Variants in RYR2 observed in about 807,000 individuals in gnomAD.
The protein encoded by RYR2 is cardiac muscle ryanodine receptor-calcium release channel.
Under a neutral mutation model 601.1 loss-of-function variants are expected in RYR2, and 227 were observed. That is an observed-to-expected ratio of 0.38 (90% CI 0.34 to 0.42). The LOEUF (loss-of-function observed/expected upper bound fraction) is 0.42. RYR2 is among the 10% of genes least tolerant of loss of function. The pLI, the probability that RYR2 is intolerant of heterozygous loss-of-function variation, is 1.00. For missense variants in RYR2, 4,646 were observed against 6,156.5 expected, an observed-to-expected ratio of 0.75 and a Z score of 8.21; for synonymous variants, 2,223 against 2,175.1, an observed-to-expected ratio of 1.02 and a Z score of -0.61.
intron 1 of RYR2, among the ~76,000 whole-genome samples, chr1:237,190,641 C>T (rs1184213776): frequency 2.0e-5 from 3 of 152,084 alleles, no homozygotes; most frequent in Non-Finnish European, 2.9e-5. Context: ...TGCCTAACAA[C>T]TATTTATATA....
Position 237,707,181 on chromosome 1 carries a change from G to A in RYR2, c.9813G>A (p.Glu3271=), listed in dbSNP as rs757310700. ...AEMCCTALNS[E]HMNTLLGNIL... ...TGTGCTGCACAGCCCTGAACTCAGAGCACATGAACACACTTCTAGGGAACA... is the reference window on the plus strand; with the variant it reads ...TGTGCTGCACAGCCCTGAACTCAGAACACATGAACACACTTCTAGGGAACA... The change falls in exon 68 of 105, where the codon GAG becomes GAA. Residue 3271 remains glutamate (E), a synonymous_variant. Transcript: ENST00000366574. The A allele has an allele frequency of 1.1e-5, 17 of 1,613,182 alleles. No individual in the cohort carries two copies. The highest frequency in any genetic ancestry group is 1.3e-5 in the African/African-American group (1 of 74,882).
chr1:237,820,217 G>A (rs1662314989), intron 101 of RYR2, among the ~76,000 whole-genome samples: 1 of 151,480 alleles, frequency 6.6e-6, no homozygotes, highest in African/African-American at 2.4e-5. Flanking sequence ...AGGTGGGGGA[G>A]GGAGGGTAGC....
chr1:237,175,123 A>T (rs1453720986), intron 1 of RYR2, among the ~76,000 whole-genome samples: 1 of 152,208 alleles, frequency 6.6e-6, no homozygotes, highest in East Asian at 1.9e-4. Flanking sequence ...CTGAAGGCTC[A>T]TATTTTTCTG....
rs71561857 is a variant in RYR2, at chr1:237,107,519, C to CA, written c.48+64967dup. Among the ~76,000 whole-genome samples the CA allele has an allele frequency of 8.0e-3, 312 of 38,908 alleles. 23 individuals carry two copies. Among genetic ancestry groups the CA allele is most frequent in the Middle Eastern group, 0.036 (1 of 28 alleles). 25.5% of individuals were successfully genotyped at this position (38,908 alleles called of 152,430 possible). A position where few individuals can be genotyped will look rare whatever the true frequency, so the allele number is the denominator to read the frequency against. ...TGGGAGACAGAGTGAGACTCCATCT[C>CA]AAAAAAAAAAAAAAAAAGGAAACAT... On this transcript the variant is annotated intron_variant, in intron 1 of 104. Coordinates refer to ENST00000366574, the MANE Select transcript of RYR2 (RefSeq NM_001035.3).
chr1:237,333,944 C>G (rs1011519637), intron 3 of RYR2, among the ~76,000 whole-genome samples: 61 of 152,296 alleles, frequency 4.0e-4, no homozygotes, highest in African/African-American at 1.4e-3. Context: ...CCAACTCTTT[C>G]ATAATCAACT....
At chr1:237,400,754 A>T (rs1016419802) in intron 10 of RYR2, among the ~76,000 whole-genome samples, 3 of 152,114 alleles carry the variant, frequency 2.0e-5, no homozygotes, top group Admixed American at 6.5e-5. Context: ...TTCCCCCGAA[A>T]GTAGAGAGTG....
intron 29 of RYR2, among the ~76,000 whole-genome samples, chr1:237,574,283 G>A (rs1402485201): frequency 6.6e-6 from 1 of 152,182 alleles, no homozygotes; most frequent in Non-Finnish European, 1.5e-5. Context: ...ATGAATTCTT[G>A]TCTCTTCTCA....
At chr1:237,751,420 T>C (rs1692526258) in intron 80 of RYR2, among the ~76,000 whole-genome samples, 1 of 152,254 alleles carries the variant, frequency 6.6e-6, no homozygotes, top group South Asian at 2.1e-4. Flanking sequence ...TTCCTTGTTA[T>C]ACCTTGTTAA....
chr1:237,626,580 CTTTTTTTTTTTTT>C (rs60885998), intron 40 of RYR2, among the ~76,000 whole-genome samples: 9 of 40,046 alleles, frequency 2.2e-4, no homozygotes, highest in African/African-American at 5.7e-4. Flanking sequence ...TTTTCTTTTT[CTTTTTTTTTTTTT>C]TTTTTTTTTT....
intron 1 of RYR2, among the ~76,000 whole-genome samples, chr1:237,057,166 G>T (rs1188843657): frequency 6.6e-6 from 1 of 152,128 alleles, no homozygotes; most frequent in African/African-American, 2.4e-5. Flanking sequence ...AGCAACAGAG[G>T]CTCAGACGAA....
At chr1:237,609,191 C>A in intron 35 of RYR2, among the ~76,000 whole-genome samples, 1 of 113,000 alleles carries the variant, frequency 8.8e-6, no homozygotes, top group African/African-American at 2.7e-5. Flanking sequence ...TTCCTTCCTG[C>A]CCTCCTATCT....
At chr1:237,548,828 A>G (rs1242944634) in intron 26 of RYR2, among the ~76,000 whole-genome samples, 1 of 152,178 alleles carries the variant, frequency 6.6e-6, no homozygotes, top group Non-Finnish European at 1.5e-5. Context: ...CTGGTGACTT[A>G]TAATATGGTT....
At chr1:237,558,671 G>A (rs752571321) in intron 27 of RYR2, among the ~76,000 whole-genome samples, 6 of 152,064 alleles carry the variant, frequency 3.9e-5, no homozygotes, top group Admixed American at 6.6e-5. Flanking sequence ...GGAAGCTTCT[G>A]GCCATTATTT....
At chr1:237,327,154 A>G (rs906632690) in intron 2 of RYR2, among the ~76,000 whole-genome samples, 3 of 148,254 alleles carry the variant, frequency 2.0e-5, no homozygotes, top group Non-Finnish European at 4.5e-5. Flanking sequence ...GGTAAACACT[A>G]TTTTTTTTTT....
chr1:237,214,517 A>G (rs1012235049), intron 1 of RYR2, among the ~76,000 whole-genome samples: 4 of 152,098 alleles, frequency 2.6e-5, no homozygotes, highest in Non-Finnish European at 4.4e-5. Context: ...GTCAGCTCTC[A>G]CAGGAATGAA....
chr1:237,267,272 G>A (rs779922378), intron 1 of RYR2, among the ~76,000 whole-genome samples: 6 of 152,162 alleles, frequency 3.9e-5, no homozygotes, highest in Non-Finnish European at 8.8e-5. Context: ...TAATCCTGGC[G>A]CTTTGGGAGG....
intron 98 of RYR2, 73 bp downstream of exon 98, chr1:237,801,989 A>T: frequency 1.1e-6 from 1 of 874,204 alleles, no homozygotes; most frequent in South Asian, 1.4e-5. Flanking sequence ...TGCAGATGGA[A>T]GGCTGGTTAT....
chr1:237,084,457 A>T (rs1397965102), intron 1 of RYR2, among the ~76,000 whole-genome samples: 1 of 152,224 alleles, frequency 6.6e-6, no homozygotes, highest in Non-Finnish European at 1.5e-5. Context: ...AATGACGTAC[A>T]TAATTCTTAT....
Position 237,160,052 on chromosome 1 carries a change from T to C in RYR2, c.49-110445T>C, listed in dbSNP as rs528521487. Reference sequence around the variant, plus strand: ...ATGATCAATAGGAAATAGGAAATGCTCCTAGAATAATCCTATGTGATTCCT... The same window carrying C: ...ATGATCAATAGGAAATAGGAAATGCCCCTAGAATAATCCTATGTGATTCCT... On this transcript the variant is annotated intron_variant, in intron 1 of 104. Coordinates refer to ENST00000366574, the MANE Select transcript of RYR2 (RefSeq NM_001035.3). 3.9e-5 allele frequency among the ~76,000 whole-genome samples: 6 copies of C among 152,304 alleles called. No homozygotes were observed. In the East Asian group the frequency reaches 1.2e-3, roughly 29 times the overall value.
Sources: allele counts gnomAD v4.1 joint callset (sites outside exome capture counted in the v4.1 genomes callset), GRCh38; gene constraint gnomAD v4.1.1; transcripts MANE v1.5; gene names NCBI Gene and HGNC (gene_info 2026-07-23, HGNC 2026-07-21).